Variants in RBPJ observed in about 807,000 individuals in gnomAD.
The protein encoded by RBPJ is recombination signal binding protein for immunoglobulin kappa J region.
In RBPJ, 9 loss-of-function variants were observed where a neutral mutation model predicts 67.8. The ratio of observed to expected loss-of-function variants is 0.13; its 90% CI spans 0.08 to 0.23. The LOEUF is 0.23. Ranked by LOEUF, RBPJ falls within the 10% of genes least tolerant of loss-of-function variation. The pLI, the probability that RBPJ is intolerant of heterozygous loss-of-function variation, is 1.00. For missense variants in RBPJ, 305 were observed against 595.6 expected, an observed-to-expected ratio of 0.51 and a Z score of 5.08; for synonymous variants, 198 against 203.3, an observed-to-expected ratio of 0.97 and a Z score of 0.22.
At chr4:26,215,260 GA>G (rs1178114369) in intron 1 of RBPJ, among the ~76,000 whole-genome samples, 7 of 97,724 alleles carry the variant, frequency 7.2e-5, no homozygotes, top group Non-Finnish European at 1.0e-4. Flanking sequence ...AGAAAGAAAG[GA>G]AGGGAGGGAG....
intron 1 of RBPJ, among the ~76,000 whole-genome samples, chr4:26,197,861 A>G (rs1717830242): frequency 6.6e-6 from 1 of 152,126 alleles, no homozygotes; most frequent in Non-Finnish European, 1.5e-5. Context: ...CAGAGAGAAA[A>G]GGAGAGTTAA....
chr4:26,286,391 T>C (rs539805845), intron 1 of RBPJ, among the ~76,000 whole-genome samples: 3 of 144,642 alleles, frequency 2.1e-5, no homozygotes, highest in Non-Finnish European at 4.5e-5. Context: ...AAGGATCACA[T>C]GAGCCAAAGA....
intron 2 of RBPJ, among the ~76,000 whole-genome samples, chr4:26,403,641 T>G (rs1733083778): frequency 6.6e-6 from 1 of 152,220 alleles, no homozygotes; most frequent in Non-Finnish European, 1.5e-5. Flanking sequence ...CGATATTTGT[T>G]TTTTTGTTCC....
chr4:26,418,936 G>A (rs1734852436), intron 4 of RBPJ, among the ~76,000 whole-genome samples: 1 of 152,160 alleles, frequency 6.6e-6, no homozygotes, highest in South Asian at 2.1e-4. Flanking sequence ...GATCTTGGGT[G>A]CAAGGAGTGA....
rs181278790 is a variant in RBPJ at position 26,223,255 on chromosome 4, T to G, written c.-167+59641T>G. ...AGACTGGAATGAGGCTCACTGGCTT[T>G]ATGTGGGTTGTGCACTGAGGGACAC... On this transcript the variant is annotated intron_variant, in intron 1 of 4. Coordinates refer to the RBPJ transcript ENST00000512351. 2.5e-3 allele frequency among the ~76,000 whole-genome samples: 382 copies of G among 152,288 alleles called. 4 individuals carry two copies. Among genetic ancestry groups the G allele is most frequent in the African/African-American group, 8.9e-3 (368 of 41,566 alleles).
chr4:26,272,785 G>C (rs1560238953), intron 1 of RBPJ: 2 of 438,834 alleles, frequency 4.6e-6, no homozygotes, highest in Non-Finnish European at 9.1e-6. Flanking sequence ...CAGGAAGGGG[G>C]TGATGGGATG....
At chr4:26,220,411 T>G (rs1255958554) in intron 1 of RBPJ, among the ~76,000 whole-genome samples, 2 of 152,174 alleles carry the variant, frequency 1.3e-5, no homozygotes, top group Non-Finnish European at 2.9e-5. Flanking sequence ...AACATAAAAT[T>G]TGTTTAATTT....
intron 1 of RBPJ, among the ~76,000 whole-genome samples, chr4:26,228,057 C>T (rs1390171170): frequency 6.6e-6 from 1 of 152,228 alleles, no homozygotes; most frequent in Non-Finnish European, 1.5e-5. Context: ...ACTAGGAACA[C>T]ATGGCCTCAG....
At chr4:26,194,104 G>A (rs1717667868) in intron 1 of RBPJ, among the ~76,000 whole-genome samples, 1 of 152,180 alleles carries the variant, frequency 6.6e-6, no homozygotes, top group Non-Finnish European at 1.5e-5. Context: ...GCATTTGATA[G>A]ACACACAGGT....
intron 4 of RBPJ, among the ~76,000 whole-genome samples, chr4:26,419,910 T>G (rs1734959008): frequency 6.6e-6 from 1 of 152,168 alleles, no homozygotes. Flanking sequence ...ATTCAGTTCT[T>G]CTGGTGATAC....
chr4:26,266,732 A>G (rs1047575099), intron 1 of RBPJ, among the ~76,000 whole-genome samples: 99 of 152,112 alleles, frequency 6.5e-4, no homozygotes, highest in Non-Finnish European at 8.7e-4. Context: ...TGGGGGTAGC[A>G]TGTCCTGAGC....
chr4:26,113,424 G>A, the RBPJ span: 1 of 546,634 alleles, frequency 1.8e-6, no homozygotes, highest in Non-Finnish European at 3.5e-6. Flanking sequence ...ACTGAATGGG[G>A]AAAAGCCTTT....
At chr4:26,272,681 C>G in intron 1 of RBPJ, 1 of 453,610 alleles carries the variant, frequency 2.2e-6, no homozygotes, top group South Asian at 1.6e-5. Flanking sequence ...TTCATTCTTC[C>G]TGGTTCTTGA....
chr4:26,119,382 A>G, the RBPJ span, among the ~76,000 whole-genome samples: 1 of 152,140 alleles, frequency 6.6e-6, no homozygotes, highest in South Asian at 2.1e-4. Context: ...GAAATCTTTA[A>G]TGACTCTTCC....
intron 1 of RBPJ, among the ~76,000 whole-genome samples, chr4:26,324,319 CAG>C (rs1723392797): frequency 1.3e-5 from 2 of 151,972 alleles, no homozygotes; most frequent in Admixed American, 1.3e-4. Context: ...GGTAATAAAA[CAG>C]ATACCTTTAT....
the RBPJ span, among the ~76,000 whole-genome samples, chr4:26,110,249 G>A: frequency 6.6e-6 from 1 of 152,052 alleles, no homozygotes; most frequent in Admixed American, 6.6e-5. This position sits in a 1 kb window ranked among gnomAD's most constrained non-coding sequence, Gnocchi z 4.5. Context: ...TCTGATTATG[G>A]ACCTTTGGGG....
In RBPJ at chr4:26,424,077, TAATC is replaced by T. The variant is rs1344658102; in HGVS notation, c.497-263_497-260del. On this transcript the variant is annotated intron_variant, in intron 5 of 10. Coordinates refer to ENST00000355476, the MANE Select transcript of RBPJ (RefSeq NM_015874.6). The surrounding 1 kb of genome is among the most constrained non-coding windows in gnomAD (Gnocchi z 5.3). Reference sequence around the variant, plus strand: ...ATTTTAAAAGTAAGTTTTTCTCTAATAATCAGCACCACATTAAACATACTGTGTA... The same window carrying T: ...ATTTTAAAAGTAAGTTTTTCTCTAATAGCACCACATTAAACATACTGTGTA... Among the ~76,000 whole-genome samples, 2 of 152,222 alleles carry T rather than the reference TAATC, an allele frequency of 1.3e-5. No homozygotes were observed. Among genetic ancestry groups the T allele is most frequent in the African/African-American group, 2.4e-5 (1 of 41,460 alleles).
At chr4:26,254,627 G>A (rs1293505239) in intron 1 of RBPJ, among the ~76,000 whole-genome samples, 2 of 147,916 alleles carry the variant, frequency 1.4e-5, no homozygotes, top group African/African-American at 5.3e-5. Context: ...CATGCTACGT[G>A]AATGTTATCG....
chr4:26,357,172 A>C (rs1727471652), intron 1 of RBPJ, among the ~76,000 whole-genome samples: 1 of 152,230 alleles, frequency 6.6e-6, no homozygotes, highest in African/African-American at 2.4e-5. Context: ...AAAGGTTTTA[A>C]AACTAGAGCT....
Sources: gnomAD v4.1 joint callset for allele counts (sites outside exome capture counted in the v4.1 genomes callset) on GRCh38, gnomAD v4.1.1 for gene constraint, Gnocchi (gnomAD v3.1) non-coding constraint, MANE v1.5 for transcripts, NCBI Gene and HGNC (gene_info 2026-07-23, HGNC 2026-07-21) for gene names.